Variants in DACH1 observed in about 807,000 individuals in gnomAD.
The protein encoded by DACH1 is dachshund family transcription factor 1, also known as dachshund homolog 1.
DACH1 carries 12 observed loss-of-function variants against 54.2 expected under a neutral mutation model. The observed-to-expected ratio is 0.22, with a 90% CI of 0.14 to 0.36. The LOEUF (loss-of-function observed/expected upper bound fraction) is 0.36, where lower values mean the gene tolerates loss of function less well. Among genes scored for constraint, DACH1 ranks in the 10% least tolerant of loss-of-function variants. DACH1 has a pLI of 1.00. For missense variants in DACH1, 805 were observed against 929.8 expected (o/e 0.87, Z 1.75); for synonymous variants, 386 against 366.2 (o/e 1.05, Z -0.62).
chr13:71,748,898 C>CTCTT (rs796904876), intron 1 of DACH1, among the ~76,000 whole-genome samples: 121 of 39,556 alleles, frequency 3.1e-3, no homozygotes, highest in Middle Eastern at 0.014. Context: ...TTCTTTCTTT[C>CTCTT]TCTTTCTTTC....
chr13:71,504,150 A>G (rs1362688736), intron 6 of DACH1, among the ~76,000 whole-genome samples: 1 of 152,186 alleles, frequency 6.6e-6, no homozygotes, highest in African/African-American at 2.4e-5. Flanking sequence ...GATTTATAAA[A>G]TTGTACTTAC....
chr13:71,790,939 A>T (rs1886804819), intron 1 of DACH1, among the ~76,000 whole-genome samples: 1 of 152,218 alleles, frequency 6.6e-6, no homozygotes, highest in Non-Finnish European at 1.5e-5. Flanking sequence ...CTAAATGATC[A>T]CATCAACAAC....
chr13:71,682,235 T>C (rs1880945158), intron 1 of DACH1, among the ~76,000 whole-genome samples: 2 of 152,246 alleles, frequency 1.3e-5, no homozygotes, highest in Admixed American at 6.5e-5. Context: ...AATTATGCAC[T>C]AACTTGTAAT....
chr13:71,543,021 A>G (rs529864085), intron 6 of DACH1, among the ~76,000 whole-genome samples: 1 of 152,276 alleles, frequency 6.6e-6, no homozygotes, highest in South Asian at 2.1e-4. Context: ...TCCTTGAGGA[A>G]CTGAAATTAA....
intron 1 of DACH1, among the ~76,000 whole-genome samples, chr13:71,773,400 T>C (rs1436466038): frequency 6.6e-6 from 1 of 151,970 alleles, no homozygotes; most frequent in Non-Finnish European, 1.5e-5. Flanking sequence ...TTTTATATTG[T>C]CTTTAGATAT....
At chr13:71,464,918 T>C (rs1215171211) in intron 10 of DACH1, among the ~76,000 whole-genome samples, 1 of 152,056 alleles carries the variant, frequency 6.6e-6, no homozygotes, top group African/African-American at 2.4e-5. Context: ...AAGGTTCAAC[T>C]ACTGGAAAAG....
chr13:71,812,451 C>T (rs975067407), intron 1 of DACH1, among the ~76,000 whole-genome samples: 7 of 151,904 alleles, frequency 4.6e-5, no homozygotes, highest in Non-Finnish European at 1.0e-4. Context: ...TACCTTTATT[C>T]CAAAATTTTA....
At chr13:71,649,603 A>G (rs752588562) in intron 2 of DACH1, among the ~76,000 whole-genome samples, 6 of 152,208 alleles carry the variant, frequency 3.9e-5, no homozygotes, top group Admixed American at 6.5e-5. Context: ...AATTTCCATA[A>G]CAAACACCAT....
At chr13:71,742,583 T>C (rs546928145) in intron 1 of DACH1, among the ~76,000 whole-genome samples, 1 of 152,288 alleles carries the variant, frequency 6.6e-6, no homozygotes, top group Non-Finnish European at 1.5e-5. Flanking sequence ...TGTAGTTTTC[T>C]CTGCAAAATA....
chr13:71,648,106 A>G (rs1451992765), intron 2 of DACH1, among the ~76,000 whole-genome samples: 3 of 152,220 alleles, frequency 2.0e-5, no homozygotes, highest in Non-Finnish European at 2.9e-5. Flanking sequence ...CTGGAGAGAT[A>G]TAAACAATAA....
At chr13:71,803,782 A>G (rs959383508) in intron 1 of DACH1, among the ~76,000 whole-genome samples, 1 of 152,160 alleles carries the variant, frequency 6.6e-6, no homozygotes, top group Non-Finnish European at 1.5e-5. Context: ...CCTCCCATCT[A>G]TTCACTATCA....
intron 9 of DACH1, 45 bp from the exon 10 acceptor site, chr13:71,475,254 C>T: frequency 1.4e-6 from 2 of 1,474,150 alleles, no homozygotes; most frequent in South Asian, 2.3e-5. Context: ...TCATTTGATT[C>T]CTATTGTCCT....
intron 3 of DACH1, among the ~76,000 whole-genome samples, chr13:71,620,406 T>C (rs1465984913): frequency 6.6e-6 from 1 of 151,888 alleles, no homozygotes; most frequent in African/African-American, 2.4e-5. Context: ...AAATGAAAAC[T>C]ATTGAAATTG....
chr13:71,710,182 A>G (rs1282335267), intron 1 of DACH1, among the ~76,000 whole-genome samples: 2 of 152,222 alleles, frequency 1.3e-5, no homozygotes, highest in Admixed American at 6.5e-5. Context: ...GAAAAGAAAG[A>G]AAAAGACAAT....
intron 1 of DACH1, among the ~76,000 whole-genome samples, chr13:71,690,478 C>G (rs1053121956): frequency 6.6e-6 from 1 of 152,162 alleles, no homozygotes; most frequent in Non-Finnish European, 1.5e-5. Flanking sequence ...TGTGCAAAAG[C>G]TTACTAGAAT....
chr13:71,609,566 T>A (rs2138512591), intron 3 of DACH1, among the ~76,000 whole-genome samples: 1 of 151,244 alleles, frequency 6.6e-6, no homozygotes, highest in South Asian at 2.1e-4. Flanking sequence ...TGAGATGGAG[T>A]TTTGCTCTTG....
At chr13:71,575,811 T>C (rs898887075) in intron 3 of DACH1, among the ~76,000 whole-genome samples, 7 of 152,112 alleles carry the variant, frequency 4.6e-5, no homozygotes, top group Non-Finnish European at 8.8e-5. Context: ...ACTCATGATG[T>C]TAGCTCATTT....
chr13:71,447,944 A>C (rs1232079069), intron 10 of DACH1, among the ~76,000 whole-genome samples: 1 of 152,236 alleles, frequency 6.6e-6, no homozygotes, highest in Non-Finnish European at 1.5e-5. Context: ...AAAATCCTTA[A>C]CAATGGAGTA....
At chr13:71,673,230 T>C (rs1428253599) in intron 2 of DACH1, among the ~76,000 whole-genome samples, 1 of 152,084 alleles carries the variant, frequency 6.6e-6, no homozygotes, top group Non-Finnish European at 1.5e-5. Flanking sequence ...CTAAAAATAA[T>C]AGATCATTGC....
Sources: gnomAD v4.1 joint callset for allele counts (sites outside exome capture counted in the v4.1 genomes callset) on GRCh38, gnomAD v4.1.1 for gene constraint, MANE v1.5 for transcripts, NCBI Gene and HGNC (gene_info 2026-07-23, HGNC 2026-07-21) for gene names.